The following BLOC1S5 variants were observed in gnomAD, a reference collection of about 807,000 sequenced individuals.
BLOC1S5 encodes the protein biogenesis of lysosomal organelles complex 1 subunit 5, also known as biogenesis of lysosome-related organelles complex 1 subunit 5.
A neutral mutation model predicts 24.3 loss-of-function variants in BLOC1S5; 27 were observed. The ratio of observed to expected loss-of-function variants is 1.11; its 90% confidence interval spans 0.82 to 1.53. The LOEUF is 1.53. Ranked by LOEUF, BLOC1S5 falls within the 40% of genes most tolerant of loss-of-function variation. The pLI, the probability that BLOC1S5 is intolerant of heterozygous loss-of-function variation, is 0.00. For synonymous variants in BLOC1S5, 84 were observed against 74.5 expected, an observed-to-expected ratio of 1.13 and a Z score of -0.66; for missense variants, 239 against 229.4, an observed-to-expected ratio of 1.04 and a Z score of -0.27.
At position 8,026,392 on chromosome 6, in the gene BLOC1S5, T is replaced by C; in HGVS notation, c.359A>G (p.Gln120Arg). The C allele has an allele frequency of 6.2e-7, 1 of 1,613,394 alleles. No homozygotes were observed. Among genetic ancestry groups the C allele is most frequent in the Non-Finnish European group, 8.5e-7 (1 of 1,179,570 alleles). The stretch of plus-strand genomic sequence containing the variant: ...CTTTTTTCGTTCCTGTTCCCTCTGT[T>C]GGAGTCTACAGACTGAGTCATTAGC... Reference protein sequence around the residue: ...QAANDSVCRLQQREQERKKIH... With the variant: ...QAANDSVCRLRQREQERKKIH... Residue 120 changes from glutamine (Q) to arginine (R), a missense_variant, in exon 4 of 5, where the codon CAA becomes CGA. Coordinates refer to ENST00000397457, the MANE Select transcript of BLOC1S5 (RefSeq NM_201280.3).
intron 2 of BLOC1S5, among the ~76,000 whole-genome samples, chr6:8,042,570 G>A (rs890468893): frequency 3.9e-5 from 6 of 152,200 alleles, no homozygotes; most frequent in South Asian, 2.1e-4. Flanking sequence ...AGCCCAAGAC[G>A]GCTTTGAATG....
intron 4 of BLOC1S5, among the ~76,000 whole-genome samples, chr6:8,021,978 C>T (rs181449362): frequency 8.7e-4 from 133 of 152,048 alleles, no homozygotes; most frequent in African/African-American, 3.0e-3. Context: ...TAAACCGGCA[C>T]GCATGCAGGC....
chr6:8,064,246 T>A lies in BLOC1S5; in HGVS notation c.112+19A>T. ...CTGTGCTGGGATCCACCAGGAACTA[T>A]AGCCCTGACACTCCGTACCCTTGAT... is the stretch of plus-strand genomic sequence containing the variant. On this transcript the variant is annotated intron_variant, in intron 1 of 4. Coordinates refer to ENST00000397457, the MANE Select transcript of BLOC1S5 (RefSeq NM_201280.3). 6.2e-7 allele frequency: 1 copy of A among 1,602,016 alleles called. No individual in the cohort carries two copies. The highest frequency in any genetic ancestry group is 8.5e-7 in the Non-Finnish European group (1 of 1,171,548).
intron 2 of BLOC1S5, among the ~76,000 whole-genome samples, chr6:8,052,116 G>A (rs1247750357): frequency 4.0e-5 from 6 of 151,816 alleles, no homozygotes; most frequent in African/African-American, 1.2e-4. Flanking sequence ...ACAGGCGCCC[G>A]CCACCACGCC....
Position 8,045,732 on chromosome 6 carries a change from G to A in BLOC1S5, c.196-4464C>T, listed in dbSNP as rs532907189. The stretch of plus-strand genomic sequence containing the variant: ...AAATTTGATTGCCCCACTGGATTTC[G>A]GACTTGCATGGGCACTGTAATCCCT... On this transcript the variant is annotated intron_variant, in intron 2 of 4. Coordinates refer to ENST00000397457, the MANE Select transcript of BLOC1S5 (RefSeq NM_201280.3). Among the ~76,000 whole-genome samples the A allele has an allele frequency of 2.1e-4, 32 of 152,270 alleles. 1 individual carries two copies. Among genetic ancestry groups the A allele is most frequent in the Middle Eastern group, 3.4e-3 (1 of 294 alleles).
rs1475934039 is a variant in BLOC1S5, at chr6:8,047,160, T to TCTCA, written c.196-5893_196-5892insTGAG. 1.4e-3 allele frequency among the ~76,000 whole-genome samples: 177 copies of TCTCA among 126,936 alleles called. 3 individuals are homozygous for TCTCA. Among genetic ancestry groups the TCTCA allele is most frequent in the South Asian group, 9.4e-3 (38 of 4,052 alleles). 83.3% of individuals were successfully genotyped at this position (126,936 alleles called of 152,430 possible). ...AAGACCACCTCTCTCTCTCTCTCTC[T>TCTCA]CACACACACACACACACACACACAC... is the stretch of plus-strand genomic sequence containing the variant. On this transcript the variant is annotated intron_variant, in intron 2 of 4. Coordinates refer to ENST00000397457, the MANE Select transcript of BLOC1S5 (RefSeq NM_201280.3).
Position 8,014,732 on chromosome 6 carries a change from T to A in BLOC1S5, c.*917A>T, listed in dbSNP as rs553037572. The A allele has an allele frequency of 6.6e-6, 1 of 152,336 alleles. No individual in the cohort carries two copies. Among genetic ancestry groups the A allele is most frequent in the East Asian group, 1.9e-4 (1 of 5,188 alleles). 9.4% of individuals were successfully genotyped at this position (152,336 alleles called of 1,614,324 possible). ...TTGCTGTGTGGGCAAACACTTCTGG[T>A]TCATTCAAAGCCAGGAACTTTATAT... On this transcript the variant is annotated 3_prime_UTR_variant, in exon 5 of 5. Coordinates refer to ENST00000397457, the MANE Select transcript of BLOC1S5 (RefSeq NM_201280.3).
chr6:8,053,142 CAT>C (rs1451393884), intron 2 of BLOC1S5, among the ~76,000 whole-genome samples: 1 of 152,020 alleles, frequency 6.6e-6, no homozygotes, highest in Non-Finnish European at 1.5e-5. Context: ...CTTAGAAAGA[CAT>C]GTTGAAAATG....
chr6:8,046,366 T>G (rs1336069301), intron 2 of BLOC1S5, among the ~76,000 whole-genome samples: 1 of 152,152 alleles, frequency 6.6e-6, no homozygotes, highest in African/African-American at 2.4e-5. Context: ...GAAAATGGAC[T>G]AACACAGGGG....
chr6:8,052,111 C>T (rs926742171), intron 2 of BLOC1S5, among the ~76,000 whole-genome samples: 5 of 151,764 alleles, frequency 3.3e-5, no homozygotes, highest in South Asian at 2.1e-4. Context: ...GGATTACAGG[C>T]GCCCGCCACC....
intron 3 of BLOC1S5, chr6:8,027,309 T>C (rs1170520781): frequency 6.6e-6 from 3 of 456,144 alleles, no homozygotes; most frequent in Non-Finnish European, 1.3e-5. Flanking sequence ...CTCGCTCAAT[T>C]ATTCATTTGA....
intron 2 of BLOC1S5, among the ~76,000 whole-genome samples, chr6:8,047,199 C>CACAG (rs796826479): frequency 0.097 from 10,904 of 112,234 alleles, 584 homozygotes; most frequent in Admixed American, 0.11. Context: ...CACACACACA[C>CACAG]AGTCAACAGT....
intron 3 of BLOC1S5, among the ~76,000 whole-genome samples, chr6:8,031,598 C>T (rs576239335): frequency 6.7e-6 from 1 of 148,330 alleles, no homozygotes; most frequent in African/African-American, 2.5e-5. Flanking sequence ...TATCAATATT[C>T]ACAGCACTAG....
chr6:8,047,696 T>A (rs1172551042), intron 2 of BLOC1S5, among the ~76,000 whole-genome samples: 1 of 152,216 alleles, frequency 6.6e-6, no homozygotes, highest in African/African-American at 2.4e-5. Flanking sequence ...TGAATCCCCA[T>A]GGTGTAATTT....
At chr6:8,049,449 C>CT (rs992484511) in intron 2 of BLOC1S5, among the ~76,000 whole-genome samples, 2 of 151,860 alleles carry the variant, frequency 1.3e-5, no homozygotes, top group African/African-American at 4.8e-5. Context: ...AAAACACAGG[C>CT]TTTTTTCTGT....
chr6:8,015,477 C>A lies in BLOC1S5; in HGVS notation c.*172G>T, dbSNP rs1245177753. On this transcript the variant is annotated 3_prime_UTR_variant, in exon 5 of 5. Transcript: ENST00000397457. Reference sequence around the variant, plus strand: ...CTTAAAGCTGGAAAAATGTGGCACCCTTCTTTAAATATCCAATCAGAATGC... The same window carrying A: ...CTTAAAGCTGGAAAAATGTGGCACCATTCTTTAAATATCCAATCAGAATGC... The A allele has an allele frequency of 1.1e-5, 7 of 623,338 alleles. No homozygotes were observed. Among genetic ancestry groups the A allele is most frequent in the African/African-American group, 1.8e-5 (1 of 54,102 alleles). 38.6% of individuals were successfully genotyped at this position (623,338 alleles called of 1,614,324 possible). A position where few individuals can be genotyped will look rare whatever the true frequency, so the allele number is the denominator to read the frequency against.
Position 8,036,405 on chromosome 6 carries a change from G to A in BLOC1S5, c.325+4734C>T, listed in dbSNP as rs150251864. Among the ~76,000 whole-genome samples, 265 of 152,152 alleles carry A rather than the reference G, an allele frequency of 1.7e-3. 1 individual carries two copies. The highest frequency in any genetic ancestry group is 6.1e-3 in the African/African-American group (253 of 41,536). On this transcript the variant is annotated intron_variant, in intron 3 of 4. Transcript: ENST00000397457. ...ATTAAACTATTATCAACAACTATAC[G>A]CCAACAAATTGGAAAACCTAGAAGA...
rs1296498546 is a variant in BLOC1S5, at chr6:8,013,932, A to G, written c.*1717T>C. On this transcript the variant is annotated 3_prime_UTR_variant, in exon 5 of 5. Coordinates refer to ENST00000397457, the MANE Select transcript of BLOC1S5 (RefSeq NM_201280.3). ...CTGTCAAGCCTACAGTAGCGGATAG[A>G]GAAAGTTGGCAGAAGTTCAGTGTTA... 1 of 152,202 alleles carries G rather than the reference A, an allele frequency of 6.6e-6. No individual in the cohort carries two copies. The highest frequency in any genetic ancestry group is 6.5e-5 in the Admixed American group (1 of 15,288). The allele number at this position is 152,202 out of a possible 1,614,324, so 9.4% of individuals were successfully genotyped here. A position where few individuals can be genotyped will look rare whatever the true frequency, so the allele number is the denominator to read the frequency against.
chr6:8,035,359 T>TAAAAA lies in BLOC1S5; in HGVS notation c.325+5775_325+5779dup, dbSNP rs60896604. Among the ~76,000 whole-genome samples, 416 of 148,570 alleles carry TAAAAA rather than the reference T, an allele frequency of 2.8e-3. 5 individuals are homozygous for TAAAAA. Among genetic ancestry groups the TAAAAA allele is most frequent in the Middle Eastern group, 0.024 (7 of 288 alleles). ...GGAATAAAAATCTTTTTTTTTTTTT[T>TAAAAA]AAAAAAAAGGCATAGAGTGGCTGAA... is the stretch of plus-strand genomic sequence containing the variant. On this transcript the variant is annotated intron_variant, in intron 3 of 4. Coordinates refer to ENST00000397457, the MANE Select transcript of BLOC1S5 (RefSeq NM_201280.3).
Sources: gnomAD v4.1 joint callset for allele counts (sites outside exome capture counted in the v4.1 genomes callset) on GRCh38, gnomAD v4.1.1 for gene constraint, MANE v1.5 for transcripts, NCBI Gene and HGNC (gene_info 2026-07-23, HGNC 2026-07-21) for gene names.